Variants in KDM6A observed in about 807,000 individuals in gnomAD.
The protein encoded by KDM6A is lysine demethylase 6A.
KDM6A carries 11 observed loss-of-function variants against 117.6 expected under a neutral mutation model. The ratio of observed to expected loss-of-function variants is 0.09; its 90% CI spans 0.06 to 0.15. KDM6A has a LOEUF of 0.15. Among genes scored for constraint, KDM6A ranks in the 10% least tolerant of loss-of-function variants. KDM6A has a pLI of 1.00. For missense variants in KDM6A, 799 were observed against 1,077.3 expected, an observed-to-expected ratio of 0.74 and a Z score of 3.62; for synonymous variants, 384 against 396.1, an observed-to-expected ratio of 0.97 and a Z score of 0.36.
rs1410476414 is a variant in KDM6A at position 45,082,627 on chromosome X, A to G, written c.3352A>G (p.Thr1118Ala). ...HHKDHSDSES[T>A]SSDNSGRRRK... ...TAAAGACCACTCAGATAGTGAATCTACATCGTCAGATAAGTAAGTCATTTT... is the reference window on the plus strand; with the variant it reads ...TAAAGACCACTCAGATAGTGAATCTGCATCGTCAGATAAGTAAGTCATTTT... The change falls in exon 22 of 30, where the codon ACA becomes GCA. Residue 1118 changes from threonine (T) to alanine (A), a missense_variant. Thr to Ala is a moderately conservative substitution (Grantham distance 58). This residue lies in a region of KDM6A where 291 missense variants were observed against 437.9 expected (regional missense o/e 0.66). Coordinates refer to ENST00000611820, the MANE Select transcript of KDM6A (RefSeq NM_001291415.2). 5.9e-6 allele frequency: 7 copies of G among 1,187,787 alleles called. No individual in the cohort carries two copies. The highest frequency in any genetic ancestry group is 3.0e-5 in the East Asian group (1 of 33,715).
At chrX:44,994,708 G>A (rs780072850) in intron 4 of KDM6A, among the ~76,000 whole-genome samples, 2 of 111,705 alleles carry the variant, frequency 1.8e-5, no homozygotes, top group South Asian at 3.8e-4. Context: ...AATGGTGAGC[G>A]CACACTTGGG....
chrX:44,874,877 A>T (rs1424825519), intron 2 of KDM6A, among the ~76,000 whole-genome samples: 1 of 111,116 alleles, frequency 9.0e-6, no homozygotes, highest in Non-Finnish European at 1.9e-5. Flanking sequence ...AGTGGTGTTT[A>T]AAAAAAATTA....
intron 6 of KDM6A, among the ~76,000 whole-genome samples, chrX:45,029,241 C>T (rs1242541842): frequency 9.1e-6 from 1 of 110,301 alleles, no homozygotes; most frequent in African/African-American, 3.3e-5. Context: ...TTGAGAGTTG[C>T]TTGGCCAACA....
chrX:44,991,356 T>C (rs2040573113), intron 4 of KDM6A, among the ~76,000 whole-genome samples: 1 of 110,241 alleles, frequency 9.1e-6, no homozygotes, highest in African/African-American at 3.3e-5. Flanking sequence ...TTTCTCTTTC[T>C]CTCTTTTTCT....
chrX:44,896,640 T>C (rs911933015), intron 2 of KDM6A, among the ~76,000 whole-genome samples: 22 of 71,269 alleles, frequency 3.1e-4, no homozygotes, highest in African/African-American at 4.9e-4. Flanking sequence ...TTTTTTTTTT[T>C]CAGACAGCTT....
Position 45,094,826 on chromosome X carries a change from A to C in KDM6A, c.4034+3962A>C, listed in dbSNP as rs754320494. Among the ~76,000 whole-genome samples the C allele has an allele frequency of 4.5e-5, 5 of 111,546 alleles. No individual in the cohort carries two copies. In the East Asian group the frequency reaches 1.4e-3, roughly 31 times the overall value. ...TAAATGTATATACGATACAACTGCT[A>C]TATGTTTATTGTCCATAATTGGTGG... On this transcript the variant is annotated intron_variant, in intron 27 of 29. Transcript: ENST00000611820.
chrX:45,078,543 T>C, intron 20 of KDM6A, 38 bp downstream of exon 20: 2 of 1,106,123 alleles, frequency 1.8e-6, no homozygotes, highest in South Asian at 1.9e-5. Flanking sequence ...GTTTGTCTCT[T>C]TGTTTTGCTA....
intron 5 of KDM6A, among the ~76,000 whole-genome samples, chrX:45,015,502 C>T: frequency 9.0e-6 from 1 of 111,151 alleles, no homozygotes. Context: ...CCTGTATAGT[C>T]ACTGCTTTGG....
intron 2 of KDM6A, among the ~76,000 whole-genome samples, chrX:44,901,826 A>T (rs1260110845): frequency 8.9e-6 from 1 of 112,101 alleles, no homozygotes; most frequent in Non-Finnish European, 1.9e-5. Context: ...TATTTTGGTT[A>T]TTGTTTGCAT....
At chrX:45,025,232 G>A (rs1038681056) in intron 6 of KDM6A, among the ~76,000 whole-genome samples, 2 of 110,776 alleles carry the variant, frequency 1.8e-5, no homozygotes, top group African/African-American at 6.6e-5. Context: ...GTGTGAACTC[G>A]GCTCACTGCA....
chrX:44,994,699 A>G (rs757290748), intron 4 of KDM6A, among the ~76,000 whole-genome samples: 5 of 111,820 alleles, frequency 4.5e-5, no homozygotes, highest in African/African-American at 1.6e-4. Flanking sequence ...AGATGGAGCA[A>G]TGGTGAGCGC....
At chrX:45,035,089 ATTGT>A in intron 7 of KDM6A, 104 bp downstream of exon 7, 1 of 705,289 alleles carries the variant, frequency 1.4e-6, no homozygotes, top group Non-Finnish European at 2.3e-6. Flanking sequence ...TTCTTTTAGA[ATTGT>A]TTAATGTAAC....
intron 15 of KDM6A, 109 bp from the exon 16 acceptor site, chrX:45,062,538 A>T: frequency 1.8e-6 from 1 of 541,100 alleles, no homozygotes; most frequent in Non-Finnish European, 3.2e-6. Flanking sequence ...AGTGTGTTTG[A>T]CCAGATAGTG....
intron 4 of KDM6A, among the ~76,000 whole-genome samples, chrX:45,005,625 T>G (rs1183681911): frequency 9.0e-6 from 1 of 111,360 alleles, no homozygotes; most frequent in African/African-American, 3.3e-5. Context: ...TGCTTTTTCC[T>G]ATGTTTAGTC....
chrX:45,047,693 T>TTTTTTTTTTTTTTTG (rs2043628201), intron 8 of KDM6A, among the ~76,000 whole-genome samples: 1 of 75,385 alleles, frequency 1.3e-5, no homozygotes, highest in Non-Finnish European at 2.6e-5. Flanking sequence ...TTTTTTTTTT[T>TTTTTTTTTTTTTTTG]TTTTTTTTTT....
intron 27 of KDM6A, among the ~76,000 whole-genome samples, chrX:45,099,399 T>C (rs2046243594): frequency 9.0e-6 from 1 of 110,745 alleles, no homozygotes; most frequent in South Asian, 3.8e-4. Context: ...CCTACGAAAG[T>C]CTTTTTTTAA....
rs112587323 is a variant in KDM6A, at chrX:44,924,648, GGTGTGTGT to G, written c.226-36601_226-36594del. Among the ~76,000 whole-genome samples the G allele has an allele frequency of 2.0e-3, 182 of 90,415 alleles. 4 individuals are homozygous for G. The highest frequency in any genetic ancestry group is 0.012 in the Middle Eastern group (2 of 166). The allele number at this position is 90,415 out of a possible 115,157, so 78.5% of individuals were successfully genotyped here. On this transcript the variant is annotated intron_variant, in intron 2 of 29. Coordinates refer to ENST00000611820, the MANE Select transcript of KDM6A (RefSeq NM_001291415.2). ...CCAGTGTTTGTTTTAGGTGGTCCTG[GGTGTGTGT>G]GTGTGTGTGTGTGTGTGTGTGTGTG...
chrX:45,087,849 C>T (rs6520997), intron 25 of KDM6A, among the ~76,000 whole-genome samples: 24,100 of 110,997 alleles, frequency 0.22, 4,278 homozygotes, highest in African/African-American at 0.6. Context: ...TTAGGTAAAT[C>T]TAATAACTCA....
intron 28 of KDM6A, among the ~76,000 whole-genome samples, chrX:45,109,173 G>A (rs1403464636): frequency 3.1e-5 from 3 of 97,900 alleles, no homozygotes; most frequent in African/African-American, 7.1e-5. Flanking sequence ...AATAAATAAA[G>A]TACCTGTAAA....
Sources: allele counts gnomAD v4.1 joint callset (sites outside exome capture counted in the v4.1 genomes callset), GRCh38; gene constraint gnomAD v4.1.1; regional missense constraint gnomAD v4.1.1; transcripts MANE v1.5; gene names NCBI Gene and HGNC (gene_info 2026-07-23, HGNC 2026-07-21).